Variants in PARD3 observed in about 807,000 individuals in gnomAD.
PARD3 encodes partitioning defective 3 homolog.
A neutral mutation model predicts 155.4 loss-of-function variants in PARD3; 75 were observed. The observed-to-expected ratio is 0.48, with a 90% CI of 0.40 to 0.58. The LOEUF (loss-of-function observed/expected upper bound fraction) is 0.58, where lower values mean the gene tolerates loss of function less well. Among genes scored for constraint, PARD3 ranks in the 20% least tolerant of loss-of-function variants. The pLI is 0.00. For missense variants in PARD3, 1,642 were observed against 1,721.7 expected, an observed-to-expected ratio of 0.95 and a Z score of 0.82; for synonymous variants, 576 against 610.5, an observed-to-expected ratio of 0.94 and a Z score of 0.83.
rs565413569 is a variant in PARD3 at position 34,113,265 on chromosome 10, G to A, written c.3669-1703C>T. Among the ~76,000 whole-genome samples the A allele has an allele frequency of 4.6e-5, 7 of 152,130 alleles. No homozygotes were observed. In the East Asian group the frequency reaches 7.7e-4, roughly 17 times the overall value. Reference sequence around the variant, plus strand: ...CATGGAGCCCCAGGCTTCGCTCTACGGCAGCTGTGCACCCTAAGTGGATTC... The same window carrying A: ...CATGGAGCCCCAGGCTTCGCTCTACAGCAGCTGTGCACCCTAAGTGGATTC... On this transcript the variant is annotated intron_variant, in intron 24 of 24. Coordinates refer to ENST00000374788, the MANE Select transcript of PARD3 (RefSeq NM_001184785.2).
intron 22 of PARD3, among the ~76,000 whole-genome samples, chr10:34,155,500 C>T (rs879838865): frequency 2.0e-5 from 3 of 152,204 alleles, no homozygotes; most frequent in Non-Finnish European, 4.4e-5. Context: ...AAGGGATAAA[C>T]GGCTACGTGT....
intron 1 of PARD3, among the ~76,000 whole-genome samples, chr10:34,732,778 C>T (rs1017619873): frequency 2.0e-5 from 3 of 152,180 alleles, no homozygotes; most frequent in African/African-American, 4.8e-5. Flanking sequence ...ATTTACGTTA[C>T]GCCATAATAT....
chr10:34,377,289 T>C (rs976570912), intron 10 of PARD3, among the ~76,000 whole-genome samples: 2 of 152,196 alleles, frequency 1.3e-5, no homozygotes, highest in African/African-American at 4.8e-5. Flanking sequence ...ATAAACCAAA[T>C]GTCTGAGTAA....
chr10:34,688,448 G>A (rs2133402939), intron 2 of PARD3, among the ~76,000 whole-genome samples: 1 of 152,218 alleles, frequency 6.6e-6, no homozygotes, highest in East Asian at 1.9e-4. Context: ...TCTAAATGGT[G>A]GTGAAGATAA....
At chr10:34,509,144 C>CT (rs2081257555) in intron 3 of PARD3, among the ~76,000 whole-genome samples, 1 of 151,978 alleles carries the variant, frequency 6.6e-6, no homozygotes, top group Admixed American at 6.6e-5. Flanking sequence ...ATAATATACA[C>CT]TCAAACTTAT....
chr10:34,612,980 CCA>C (rs1174803774), intron 2 of PARD3, among the ~76,000 whole-genome samples: 13 of 152,066 alleles, frequency 8.5e-5, no homozygotes, highest in African/African-American at 3.1e-4. Context: ...ATATAATTAT[CCA>C]CAGTGTACAA....
chr10:34,206,533 C>T (rs1005324829), intron 22 of PARD3, among the ~76,000 whole-genome samples: 3 of 152,160 alleles, frequency 2.0e-5, no homozygotes, highest in South Asian at 2.1e-4. Context: ...CAGAGCCAGT[C>T]GGTGATAGAA....
chr10:34,800,789 C>T (rs1842774973), intron 1 of PARD3, among the ~76,000 whole-genome samples: 1 of 151,502 alleles, frequency 6.6e-6, no homozygotes, highest in Non-Finnish European at 1.5e-5. Context: ...AACTAATAGG[C>T]AGATAAATAA....
At chr10:34,390,530 A>G (rs1200058787) in intron 7 of PARD3, among the ~76,000 whole-genome samples, 1 of 152,218 alleles carries the variant, frequency 6.6e-6, no homozygotes, top group Non-Finnish European at 1.5e-5. Flanking sequence ...AAAAGTCATG[A>G]TTCCTATCCT....
At chr10:34,338,415 G>A (rs1564602394) in intron 16 of PARD3, among the ~76,000 whole-genome samples, 1 of 152,202 alleles carries the variant, frequency 6.6e-6, no homozygotes, top group Non-Finnish European at 1.5e-5. Context: ...GGCACATTGG[G>A]TAAGTAAGTA....
In PARD3 at chr10:34,199,398, A is replaced by G. The variant is rs1000931413; in HGVS notation, c.3420-67815T>C. Among the ~76,000 whole-genome samples the G allele has an allele frequency of 2.6e-5, 4 of 152,184 alleles. No homozygotes were observed. In the East Asian group the frequency reaches 7.7e-4, roughly 29 times the overall value. The stretch of plus-strand genomic sequence containing the variant: ...TGACAGGGCTTAGCCTGGAGAAGCC[A>G]CAGGCATCTCACACGTGGAGCTGGT... On this transcript the variant is annotated intron_variant, in intron 22 of 24. Transcript: ENST00000374788.
intron 19 of PARD3, among the ~76,000 whole-genome samples, chr10:34,321,008 T>C (rs1219049744): frequency 6.6e-6 from 1 of 152,204 alleles, no homozygotes; most frequent in Non-Finnish European, 1.5e-5. Context: ...AATTCTGAAA[T>C]TATTTGATAG....
At chr10:34,645,700 G>T (rs2092816076) in intron 2 of PARD3, among the ~76,000 whole-genome samples, 1 of 152,154 alleles carries the variant, frequency 6.6e-6, no homozygotes, top group South Asian at 2.1e-4. Context: ...AGCTGCGGCT[G>T]GGAGCAACTA....
At chr10:34,753,255 G>A (rs1433683825) in intron 1 of PARD3, among the ~76,000 whole-genome samples, 1 of 152,238 alleles carries the variant, frequency 6.6e-6, no homozygotes, top group Non-Finnish European at 1.5e-5. Context: ...CTGACAAATG[G>A]AAAAGCAAAC....
chr10:34,531,958 G>C (rs567088712), intron 2 of PARD3, among the ~76,000 whole-genome samples: 3 of 152,272 alleles, frequency 2.0e-5, no homozygotes, highest in Admixed American at 2.0e-4. Context: ...ACTTTAAGCA[G>C]ACACGCACAA....
At chr10:34,454,866 G>C (rs1008857702) in intron 4 of PARD3, among the ~76,000 whole-genome samples, 4 of 152,188 alleles carry the variant, frequency 2.6e-5, no homozygotes, top group African/African-American at 9.7e-5. Context: ...CTCCCTGGTA[G>C]CGGTATCCTG....
chr10:34,425,346 T>C (rs1314224248), intron 5 of PARD3, among the ~76,000 whole-genome samples: 1 of 152,210 alleles, frequency 6.6e-6, no homozygotes, highest in Admixed American at 6.5e-5. Flanking sequence ...CTAAGTTCTA[T>C]GCACCCCGGC....
At chr10:34,813,097 G>C (rs1844413987) in intron 1 of PARD3, among the ~76,000 whole-genome samples, 1 of 152,218 alleles carries the variant, frequency 6.6e-6, no homozygotes, top group South Asian at 2.1e-4. Context: ...CAAAGCTTCA[G>C]AATTTCTGTG....
chr10:34,482,188 C>A (rs1156853547), intron 3 of PARD3, among the ~76,000 whole-genome samples: 1 of 151,702 alleles, frequency 6.6e-6, no homozygotes, highest in African/African-American at 2.4e-5. Context: ...GTGCCCCCCA[C>A]CATGCCCAGC....
Sources: allele counts gnomAD v4.1 joint callset (sites outside exome capture counted in the v4.1 genomes callset), GRCh38; gene constraint gnomAD v4.1.1; transcripts MANE v1.5; gene names NCBI Gene and HGNC (gene_info 2026-07-23, HGNC 2026-07-21).